NHS: variants seen among roughly 807,000 people sequenced by gnomAD.
NHS encodes NHS actin remodeling regulator, also known as actin remodeling regulator NHS.
In NHS, 5 loss-of-function variants were observed where a neutral mutation model predicts 72.5. That is an observed-to-expected ratio of 0.07 (90% CI 0.04 to 0.14). The LOEUF (loss-of-function observed/expected upper bound fraction) is 0.14, where lower values mean the gene tolerates loss of function less well. NHS is among the 10% of genes least tolerant of loss of function. The pLI, the probability that NHS is intolerant of heterozygous loss-of-function variation, is 1.00. For synonymous variants in NHS, 464 were observed against 547.7 expected (o/e 0.85, Z 2.13); for missense variants, 1,072 against 1,355.7 (o/e 0.79, Z 3.29).
chrX:17,417,703 A>T (rs983115049), intron 1 of NHS, among the ~76,000 whole-genome samples: 1 of 112,419 alleles, frequency 8.9e-6, no homozygotes, highest in Non-Finnish European at 1.9e-5. Context: ...TTTTTTCTGC[A>T]TTACTGTTCC....
intron 1 of NHS, among the ~76,000 whole-genome samples, chrX:17,484,415 C>A (rs2064959160): frequency 8.9e-6 from 1 of 111,770 alleles, no homozygotes; most frequent in Admixed American, 9.5e-5. Flanking sequence ...AGGAGATGGA[C>A]AATTCCATTG....
intron 1 of NHS, among the ~76,000 whole-genome samples, chrX:17,598,239 T>C (rs912436087): frequency 2.7e-5 from 3 of 111,731 alleles, no homozygotes; most frequent in African/African-American, 6.5e-5. Context: ...TGGCTCGTTG[T>C]CAAGCCTCTG....
chrX:17,712,393 C>CATATATATAT (rs3074204), intron 3 of NHS, among the ~76,000 whole-genome samples: 1 of 81,419 alleles, frequency 1.2e-5, no homozygotes, highest in African/African-American at 5.2e-5. Context: ...CACACACACA[C>CATATATATAT]ATATATATAT....
chrX:17,671,379 C>T (rs2066044857), intron 1 of NHS, among the ~76,000 whole-genome samples: 1 of 112,435 alleles, frequency 8.9e-6, no homozygotes, highest in Admixed American at 9.4e-5. Flanking sequence ...CAAAGCAACT[C>T]CTAATTCAGC....
intron 1 of NHS, among the ~76,000 whole-genome samples, chrX:17,555,228 ATTT>A (rs374726103): frequency 1.2e-5 from 1 of 80,462 alleles, no homozygotes. Context: ...GCAGCGGGTT[ATTT>A]TTTTTTTTTT....
intron 1 of NHS, among the ~76,000 whole-genome samples, chrX:17,538,270 G>C (rs1238323329): frequency 1.8e-5 from 2 of 112,066 alleles, no homozygotes; most frequent in Admixed American, 1.9e-4. Context: ...CCTGGACTCT[G>C]TCAGTGTCTT....
intron 1 of NHS, among the ~76,000 whole-genome samples, chrX:17,473,239 T>C (rs1232875710): frequency 8.9e-6 from 1 of 112,161 alleles, no homozygotes; most frequent in Non-Finnish European, 1.9e-5. Flanking sequence ...TCTTGAACAG[T>C]GGCCCATTTA....
At chrX:17,393,302 A>G (rs2064454783) in intron 1 of NHS, among the ~76,000 whole-genome samples, 1 of 112,198 alleles carries the variant, frequency 8.9e-6, no homozygotes, top group African/African-American at 3.2e-5. Flanking sequence ...ACCAAGCAAA[A>G]GCTTTGATCT....
intron 1 of NHS, among the ~76,000 whole-genome samples, chrX:17,474,098 C>T (rs1300898077): frequency 9.0e-6 from 1 of 111,136 alleles, no homozygotes; most frequent in Non-Finnish European, 1.9e-5. Context: ...CTCAAGTAGG[C>T]CTCAGTGCCT....
chrX:17,401,811 C>T (rs1378994826), intron 1 of NHS, among the ~76,000 whole-genome samples: 1 of 111,676 alleles, frequency 9.0e-6, no homozygotes, highest in African/African-American at 3.3e-5. Flanking sequence ...AGCTAGGGCT[C>T]ACCCTAATCC....
At chrX:17,479,892 T>A (rs1490107742) in intron 1 of NHS, among the ~76,000 whole-genome samples, 1 of 112,039 alleles carries the variant, frequency 8.9e-6, no homozygotes, top group Non-Finnish European at 1.9e-5. Context: ...AGCTCTTTAG[T>A]TTAATTAGAT....
rs775432242 is a variant in NHS, at chrX:17,539,135, G to A, written c.566-148607G>A. ...TTCTTAAGCCTACCATATATGCAGG[G>A]TCTTCCTTCAAGGCCTTTGCCCTTG... On this transcript the variant is annotated intron_variant, in intron 1 of 8. Transcript: ENST00000676302. 8.0e-5 allele frequency among the ~76,000 whole-genome samples: 9 copies of A among 111,901 alleles called. No homozygotes were observed. In the Admixed American group the frequency reaches 8.5e-4, roughly 11 times the overall value.
At chrX:17,381,805 G>A (rs1323434268) in intron 1 of NHS, among the ~76,000 whole-genome samples, 1 of 112,362 alleles carries the variant, frequency 8.9e-6, no homozygotes, top group Non-Finnish European at 1.9e-5. Flanking sequence ...GTATCTAAAA[G>A]AGGAATTGCT....
intron 1 of NHS, among the ~76,000 whole-genome samples, chrX:17,624,028 A>T (rs1490255689): frequency 8.8e-6 from 1 of 113,200 alleles, no homozygotes; most frequent in African/African-American, 3.2e-5. Context: ...AACGTGTGAC[A>T]GAGTTGGCAT....
intron 1 of NHS, among the ~76,000 whole-genome samples, chrX:17,546,060 C>T (rs933642844): frequency 9.0e-6 from 1 of 111,726 alleles, no homozygotes; most frequent in Non-Finnish European, 1.9e-5. Flanking sequence ...GAGTTAATAC[C>T]CTGCAGAGCT....
chrX:17,559,007 T>C (rs1206348555), intron 1 of NHS, among the ~76,000 whole-genome samples: 1 of 112,815 alleles, frequency 8.9e-6, no homozygotes, highest in East Asian at 2.8e-4. Context: ...AAAACTCTAA[T>C]GCCTTTTTAT....
At chrX:17,671,123 A>G (rs1335991254) in intron 1 of NHS, among the ~76,000 whole-genome samples, 1 of 112,523 alleles carries the variant, frequency 8.9e-6, no homozygotes, top group African/African-American at 3.2e-5. Context: ...CTCCCTGAAG[A>G]GAAATCAAAC....
chrX:17,728,203 T>C lies in NHS; in HGVS notation c.4097T>C (p.Val1366Ala), dbSNP rs2066463685. Reference protein sequence around the residue: ...TISYESEITSVNSFPEKCSKQ... With the variant: ...TISYESEITSANSFPEKCSKQ... ...AGCTATGAATCGGAGATAACATCTG[T>C]AAATTCATTCCCTGAAAAATGTTCC... The change falls in exon 7 of 9, where the codon GTA (valine) becomes GCA (alanine). Residue 1366 changes from valine to alanine, a missense_variant. Val to Ala is a moderately conservative substitution (Grantham distance 64). Coordinates refer to ENST00000676302, the MANE Select transcript of NHS (RefSeq NM_001291867.2). 2 of 1,211,642 alleles carry C rather than the reference T, an allele frequency of 1.7e-6. No homozygotes were observed. The highest frequency in any genetic ancestry group is 3.0e-5 in the East Asian group (1 of 33,836).
At chrX:17,394,372 C>G (rs2064461687) in intron 1 of NHS, among the ~76,000 whole-genome samples, 1 of 111,952 alleles carries the variant, frequency 8.9e-6, no homozygotes, top group African/African-American at 3.3e-5. Context: ...TTTCCCCTAA[C>G]TACAGAATAA....
Sources: allele counts gnomAD v4.1 joint callset (sites outside exome capture counted in the v4.1 genomes callset), GRCh38; gene constraint gnomAD v4.1.1; transcripts MANE v1.5; gene names NCBI Gene and HGNC (gene_info 2026-07-23, HGNC 2026-07-21).